The following ZFAND5 variants were observed in gnomAD, a reference collection of about 807,000 sequenced individuals.
The protein encoded by ZFAND5 is zinc finger AN1-type containing 5.
Under a neutral mutation model 23.6 loss-of-function variants are expected in ZFAND5, and 4 were observed. The observed-to-expected ratio is 0.17, with a 90% CI of 0.08 to 0.39. The LOEUF (loss-of-function observed/expected upper bound fraction) is 0.39, where lower values mean the gene tolerates loss of function less well. ZFAND5 is among the 10% of genes least tolerant of loss of function. The pLI, the probability that ZFAND5 is intolerant of heterozygous loss-of-function variation, is 1.00. For synonymous variants in ZFAND5, 68 were observed against 80.6 expected, an observed-to-expected ratio of 0.84 and a Z score of 0.84; for missense variants, 161 against 253.7, an observed-to-expected ratio of 0.63 and a Z score of 2.48.
rs1841921944 is a variant in ZFAND5, at chr9:72,355,627, A to G, written c.*326T>C. On this transcript the variant is annotated 3_prime_UTR_variant, in exon 7 of 7. Coordinates refer to ENST00000376962, the MANE Select transcript of ZFAND5 (RefSeq NM_001102420.3). ...TTGATTACATTCCCAAAAGGCAGAT[A>G]TGCTGCAAACATGCAGAGATTTCAT... is the stretch of plus-strand genomic sequence containing the variant. 5.7e-6 allele frequency: 1 copy of G among 176,750 alleles called. No individual in the cohort carries two copies. Among genetic ancestry groups the G allele is most frequent in the Non-Finnish European group, 1.2e-5 (1 of 83,854 alleles). 10.9% of individuals were successfully genotyped at this position (176,750 alleles called of 1,614,324 possible). A position where few individuals can be genotyped will look rare whatever the true frequency, so the allele number is the denominator to read the frequency against.
At chr9:72,357,186 A>T in intron 5 of ZFAND5, 130 bp from the exon 6 acceptor site, 1 of 1,103,966 alleles carries the variant, frequency 9.1e-7, no homozygotes, top group Non-Finnish European at 1.2e-6. Flanking sequence ...TGAAAATACA[A>T]GCTTTAAACA....
At chr9:72,361,739 T>C (rs1335013686) in intron 2 of ZFAND5, among the ~76,000 whole-genome samples, 1 of 152,262 alleles carries the variant, frequency 6.6e-6, no homozygotes, top group African/African-American at 2.4e-5. Context: ...TGCTAAATTA[T>C]TAATAAGTTT....
chr9:72,364,639 C>T, intron 1 of ZFAND5, 57 bp downstream of exon 1: 3 of 1,163,916 alleles, frequency 2.6e-6, no homozygotes, highest in Non-Finnish European at 3.2e-6. Flanking sequence ...CCTTCACTCC[C>T]GCCCCCGGCC....
intron 2 of ZFAND5, among the ~76,000 whole-genome samples, chr9:72,361,108 C>A (rs1283757552): frequency 6.6e-6 from 1 of 152,164 alleles, no homozygotes; most frequent in African/African-American, 2.4e-5. Flanking sequence ...AAACTGGTAT[C>A]TTTAACTTTT....
rs770847035 is a variant in ZFAND5 at position 72,359,407 on chromosome 9, G to GA, written c.367+10dup. 8.7e-6 allele frequency: 14 copies of GA among 1,610,146 alleles called. No homozygotes were observed. In the East Asian group the frequency reaches 2.2e-4, roughly 26 times the overall value. On this transcript the variant is annotated intron_variant, in intron 5 of 6. Transcript: ENST00000376962. ...ATTCAGAACTGAACAAGTATTAAAT[G>GA]AAAAACATACCTGGCTCTGACACCT...
intron 5 of ZFAND5, among the ~76,000 whole-genome samples, chr9:72,357,752 G>C (rs1841985397): frequency 6.6e-6 from 1 of 152,186 alleles, no homozygotes; most frequent in South Asian, 2.1e-4. Flanking sequence ...GGCAGAACAA[G>C]AATCTTATCT....
chr9:72,360,588 C>T, intron 3 of ZFAND5, 40 bp downstream of exon 3: 1 of 1,611,376 alleles, frequency 6.2e-7, no homozygotes, highest in South Asian at 1.1e-5. Context: ...TTTCTGTCCA[C>T]CAGTTCTTTC....
At chr9:72,358,659 T>C (rs2131978078) in intron 5 of ZFAND5, among the ~76,000 whole-genome samples, 1 of 152,218 alleles carries the variant, frequency 6.6e-6, no homozygotes, top group Admixed American at 6.5e-5. Flanking sequence ...GTAAGATTAA[T>C]ACAATAAACA....
chr9:72,356,231 T>TC, intron 6 of ZFAND5, 130 bp from the exon 7 acceptor site: 1 of 1,133,424 alleles, frequency 8.8e-7, no homozygotes, highest in Non-Finnish European at 1.2e-6. Flanking sequence ...ACTCTTTTCT[T>TC]CCACTTCCTG....
chr9:72,358,067 T>A (rs979719129), intron 5 of ZFAND5, among the ~76,000 whole-genome samples: 1 of 152,154 alleles, frequency 6.6e-6, no homozygotes, highest in African/African-American at 2.4e-5. Flanking sequence ...TGCCCAAATA[T>A]GCCAGCACCA....
At chr9:72,357,204 C>A in intron 5 of ZFAND5, 148 bp from the exon 6 acceptor site, 1 of 968,058 alleles carries the variant, frequency 1.0e-6, no homozygotes, top group Non-Finnish European at 1.4e-6. Context: ...ACAGAATCTT[C>A]CATTTTAACA....
chr9:72,362,146 T>TA (rs1240853551), intron 2 of ZFAND5, among the ~76,000 whole-genome samples: 1 of 152,222 alleles, frequency 6.6e-6, no homozygotes, highest in African/African-American at 2.4e-5. Flanking sequence ...ATCCACAACT[T>TA]ACTTTTAACA....
rs1841862311 is a variant in ZFAND5, at chr9:72,354,057, C to T, written c.*1896G>A. 1.3e-5 allele frequency: 2 copies of T among 152,144 alleles called. No individual in the cohort carries two copies. The highest frequency in any genetic ancestry group is 3.9e-4 in the East Asian group (2 of 5,184). 9.4% of individuals were successfully genotyped at this position (152,144 alleles called of 1,614,324 possible). A position where few individuals can be genotyped will look rare whatever the true frequency, so the allele number is the denominator to read the frequency against. ...TGATCTGGCATAAACGCTACAGAGA[C>T]CAAGTCCATGGGTGAATCTCTGTAT... On this transcript the variant is annotated 3_prime_UTR_variant, in exon 7 of 7. Transcript: ENST00000376962.
chr9:72,352,624 G>T lies in ZFAND5; in HGVS notation c.*3329C>A, dbSNP rs1841806333. 6.6e-6 allele frequency: 1 copy of T among 152,176 alleles called. No homozygotes were observed. Among genetic ancestry groups the T allele is most frequent in the Non-Finnish European group, 1.5e-5 (1 of 68,026 alleles). The allele number at this position is 152,176 out of a possible 1,614,324, so 9.4% of individuals were successfully genotyped here. A position where few individuals can be genotyped will look rare whatever the true frequency, so the allele number is the denominator to read the frequency against. ...TTATTTAATGCAGATCTCTTGCAAA[G>T]AAAGCCTTACGGAAAAGAATGATTC... On this transcript the variant is annotated 3_prime_UTR_variant, in exon 7 of 7. Coordinates refer to ENST00000376962, the MANE Select transcript of ZFAND5 (RefSeq NM_001102420.3).
chr9:72,359,551 AG>A, intron 4 of ZFAND5, 30 bp from the exon 5 acceptor site: 1 of 1,599,086 alleles, frequency 6.3e-7, no homozygotes, highest in African/African-American at 1.3e-5. Context: ...CAATTTTTAA[AG>A]GTGTTAAGGG....
At position 72,356,034 on chromosome 9, in the gene ZFAND5, C is replaced by T. The variant is rs377679523; in HGVS notation, c.561G>A (p.Pro187=). The T allele has an allele frequency of 1.7e-5, 27 of 1,613,686 alleles. No homozygotes were observed. The highest frequency in any genetic ancestry group is 1.2e-4 in the Admixed American group (7 of 59,952). The change falls in exon 7 of 7, where the codon CCG becomes CCA. Residue 187 remains proline (P), a synonymous_variant. Coordinates refer to ENST00000376962, the MANE Select transcript of ZFAND5 (RefSeq NM_001102420.3). ...LHRYSDKHNC[P]YDYKAEAAAK... is the part of the protein sequence containing the mutation. ...CTGCAGCTTCTGCTTTGTAATCATA[C>T]GGACAGTTGTGCTTGTCAGAGTAAC...
Position 72,357,046 on chromosome 9 carries a change from C to A in ZFAND5, c.378G>T (p.Gln126His). 6.2e-7 allele frequency: 1 copy of A among 1,612,498 alleles called. No homozygotes were observed. ...TGGGCTGAGAAACTGATGGACTGGG[C>A]TGAGTGACAACTGAAAAGGACAAAA... ...KTEVSEPVVT[Q>H]PSPSVSQPST... The change falls in exon 6 of 7, where the codon CAG becomes CAT. Residue 126 changes from glutamine to histidine, a missense_variant. Gln to His is a conservative substitution (Grantham distance 24). Coordinates refer to ENST00000376962, the MANE Select transcript of ZFAND5 (RefSeq NM_001102420.3).
At chr9:72,359,876 A>G (rs893426807) in intron 4 of ZFAND5, among the ~76,000 whole-genome samples, 6 of 152,200 alleles carry the variant, frequency 3.9e-5, no homozygotes, top group Admixed American at 6.5e-5. Flanking sequence ...CTAAACCTCA[A>G]TTACAAAGAA....
chr9:72,355,923 C>T lies in ZFAND5; in HGVS notation c.*30G>A, dbSNP rs761258913. 6.4e-7 allele frequency: 1 copy of T among 1,568,476 alleles called. No individual in the cohort carries two copies. The highest frequency in any genetic ancestry group is 2.0e-5 in the Admixed American group (1 of 48,962). ...TTCCTACGATATATTAAAATAAAAA[C>T]AAAGTTTCAGTCTCTTCACAAGAAG... On this transcript the variant is annotated 3_prime_UTR_variant, in exon 7 of 7. Transcript: ENST00000376962.
Sources: gnomAD v4.1 joint callset for allele counts (sites outside exome capture counted in the v4.1 genomes callset) on GRCh38, gnomAD v4.1.1 for gene constraint, MANE v1.5 for transcripts, NCBI Gene and HGNC (gene_info 2026-07-23, HGNC 2026-07-21) for gene names.